Variants in SVIL observed in about 807,000 individuals in gnomAD.
The protein encoded by SVIL is supervillin.
A neutral mutation model predicts 240.4 loss-of-function variants in SVIL; 101 were observed. That is an observed-to-expected ratio of 0.42 (90% CI 0.36 to 0.50). SVIL has a LOEUF of 0.50. SVIL is among the 20% of genes least tolerant of loss of function. The probability of loss-of-function intolerance (pLI) is 0.01; values close to 1 mark genes in which losing one functional copy is unlikely to be tolerated. For synonymous variants in SVIL, 999 were observed against 1,100.0 expected, an observed-to-expected ratio of 0.91 and a Z score of 1.82; for missense variants, 2,512 against 2,818.7, an observed-to-expected ratio of 0.89 and a Z score of 2.46.
At chr10:29,562,842 G>A (rs1954632627) in intron 3 of SVIL, among the ~76,000 whole-genome samples, 2 of 151,568 alleles carry the variant, frequency 1.3e-5, no homozygotes, top group African/African-American at 4.9e-5. Context: ...AGGAGTGGGT[G>A]GACAGAGAAG....
intron 26 of SVIL, 128 bp downstream of exon 26, chr10:29,485,957 A>T (rs1947349096): frequency 8.6e-6 from 9 of 1,047,806 alleles, no homozygotes; most frequent in South Asian, 5.0e-5. Context: ...AAAAGCTGTA[A>T]ATGTTCTACA....
chr10:29,619,597 T>C (rs1270361546), intron 1 of SVIL, among the ~76,000 whole-genome samples: 1 of 151,480 alleles, frequency 6.6e-6, no homozygotes, highest in Non-Finnish European at 1.5e-5. Flanking sequence ...TGAATTCAGA[T>C]GATGAGCTTC....
intron 1 of SVIL, among the ~76,000 whole-genome samples, chr10:29,577,037 T>C (rs562418131): frequency 2.6e-4 from 39 of 152,116 alleles, no homozygotes; most frequent in Non-Finnish European, 4.9e-4. Context: ...CGCTCCACCA[T>C]GCCCAGTTAA....
intron 2 of SVIL, among the ~76,000 whole-genome samples, chr10:29,682,123 A>T (rs1428016909): frequency 6.6e-6 from 1 of 152,060 alleles, no homozygotes; most frequent in Non-Finnish European, 1.5e-5. Context: ...TCTCTTCCAA[A>T]TCTCATTTGT....
At chr10:29,604,441 C>G (rs1191949521) in intron 1 of SVIL, among the ~76,000 whole-genome samples, 1 of 133,554 alleles carries the variant, frequency 7.5e-6, no homozygotes, top group Non-Finnish European at 1.5e-5. Flanking sequence ...AGGCTGGTCT[C>G]AAACTCCTGG....
chr10:29,668,685 G>T (rs1050980664), intron 2 of SVIL, among the ~76,000 whole-genome samples: 8 of 152,152 alleles, frequency 5.3e-5, no homozygotes, highest in Non-Finnish European at 1.2e-4. Flanking sequence ...TGTTGGCCAG[G>T]CTGGTCTTGA....
intron 1 of SVIL, among the ~76,000 whole-genome samples, chr10:29,604,066 G>A (rs561700792): frequency 1.8e-4 from 28 of 152,138 alleles, no homozygotes; most frequent in African/African-American, 6.7e-4. Flanking sequence ...CATGTCCATC[G>A]CTTCCTTTTT....
Position 29,471,221 on chromosome 10 carries a change from T to C in SVIL, c.5552A>G (p.Glu1851Gly). 1 of 1,612,344 alleles carries C rather than the reference T, an allele frequency of 6.2e-7. No homozygotes were observed. Among genetic ancestry groups the C allele is most frequent in the Non-Finnish European group, 8.5e-7 (1 of 1,178,708 alleles). ...GAAACACTGCAGGAAACAGGGGGGC[T>C]CCTTTCCCTGGAGAACCTGGACCTT... ...GAQVQVLQGK[E>G]PPCFLQCFQG... The change falls in exon 31 of 38, where the codon GAG becomes GGG. Residue 1851 changes from glutamate to glycine, a missense_variant. By Grantham distance (98) the Glu-to-Gly change is moderately conservative. This residue lies in a region of SVIL where 797 missense variants were observed against 925.3 expected (regional missense o/e 0.86). Coordinates refer to ENST00000355867, the MANE Select transcript of SVIL (RefSeq NM_021738.3).
intron 1 of SVIL, among the ~76,000 whole-genome samples, chr10:29,608,247 A>C (rs1263489421): frequency 6.6e-6 from 1 of 152,192 alleles, no homozygotes; most frequent in Non-Finnish European, 1.5e-5. Context: ...TGGGGTTGGC[A>C]ATTACCTCTG....
chr10:29,735,541 G>A lies in SVIL; in HGVS notation c.-400+210C>T, dbSNP rs1247417610. ...TCGGGGACCCCGCGGGCCGAGCGCA[G>A]CGCCCCGTCGCAGCGGCCCGGGCAC... On this transcript the variant is annotated intron_variant, in intron 1 of 35. Coordinates refer to the SVIL transcript ENST00000375400. This position sits in a 1 kb window ranked among gnomAD's most constrained non-coding sequence, Gnocchi z 4.1. 6.6e-6 allele frequency among the ~76,000 whole-genome samples: 1 copy of A among 150,476 alleles called. No homozygotes were observed. Among genetic ancestry groups the A allele is most frequent in the Non-Finnish European group, 1.5e-5 (1 of 67,326 alleles).
At chr10:29,604,738 A>T (rs192959809) in intron 1 of SVIL, among the ~76,000 whole-genome samples, 63 of 151,528 alleles carry the variant, frequency 4.2e-4, no homozygotes, top group African/African-American at 1.5e-3. Flanking sequence ...CTAATCTTTT[A>T]AAAAAATTTT....
rs936506986 is a variant in SVIL, at chr10:29,547,308, A to G, written c.827+3289T>C. Among the ~76,000 whole-genome samples, 11 of 152,292 alleles carry G rather than the reference A, an allele frequency of 7.2e-5. No individual in the cohort carries two copies. The East Asian group carries it at 2.1e-3, about 29-fold the overall frequency. ...ACATTTTCCATCCCTCTTTATGTAA[A>G]TATGTCCCAGGTATTTTCCTAATAA... On this transcript the variant is annotated intron_variant, in intron 6 of 37. Transcript: ENST00000355867.
chr10:29,526,447 G>A (rs1950925383), intron 13 of SVIL, among the ~76,000 whole-genome samples: 1 of 151,620 alleles, frequency 6.6e-6, no homozygotes, highest in African/African-American at 2.4e-5. Context: ...TAGGATTACT[G>A]GCACATGCCA....
chr10:29,479,475 T>TG (rs1345749852), intron 29 of SVIL, among the ~76,000 whole-genome samples: 1 of 152,162 alleles, frequency 6.6e-6, no homozygotes, highest in African/African-American at 2.4e-5. Flanking sequence ...GGGGGACCTC[T>TG]GGGCCACAGC....
chr10:29,531,308 A>G lies in SVIL; in HGVS notation c.2010-20T>C. 2 of 1,611,464 alleles carry G rather than the reference A, an allele frequency of 1.2e-6. No individual in the cohort carries two copies. Among genetic ancestry groups the G allele is most frequent in the Middle Eastern group, 1.7e-4 (1 of 6,056 alleles). ...GTGCACCTAGGAAAGACATTAGCAAATAACAATAATACATTAGCAGGTGGG... is the reference window on the plus strand; with the variant it reads ...GTGCACCTAGGAAAGACATTAGCAAGTAACAATAATACATTAGCAGGTGGG... On this transcript the variant is annotated intron_variant, in intron 9 of 37. Coordinates refer to ENST00000355867, the MANE Select transcript of SVIL (RefSeq NM_021738.3).
At chr10:29,506,367 C>G (rs544747346) in intron 17 of SVIL, among the ~76,000 whole-genome samples, 8 of 152,012 alleles carry the variant, frequency 5.3e-5, no homozygotes, top group Non-Finnish European at 1.2e-4. Context: ...TTTCCAGCTT[C>G]GGGGGAAGGA....
At chr10:29,513,526 ACT>A (rs1041125866) in intron 16 of SVIL, among the ~76,000 whole-genome samples, 220 of 152,200 alleles carry the variant, frequency 1.4e-3, no homozygotes, top group African/African-American at 5.2e-3. Flanking sequence ...ACACAGTGAG[ACT>A]CTGTCTCAAA....
chr10:29,569,228 A>T (rs908078717), intron 2 of SVIL, 27 bp downstream of exon 2: 2 of 976,360 alleles, frequency 2.0e-6, no homozygotes, highest in African/African-American at 3.5e-5. Flanking sequence ...TCAAAATTTC[A>T]CAGTTGTTGA....
intron 17 of SVIL, among the ~76,000 whole-genome samples, chr10:29,507,359 C>T (rs1949444272): frequency 6.6e-6 from 1 of 152,218 alleles, no homozygotes; most frequent in Non-Finnish European, 1.5e-5. Context: ...GGACACTCTC[C>T]TCTTAAACCA....
Sources: allele counts gnomAD v4.1 joint callset (sites outside exome capture counted in the v4.1 genomes callset), GRCh38; gene constraint gnomAD v4.1.1; regional missense constraint gnomAD v4.1.1; non-coding constraint Gnocchi (gnomAD v3.1); transcripts MANE v1.5; gene names NCBI Gene and HGNC (gene_info 2026-07-23, HGNC 2026-07-21).